Variants in NRAP observed in about 807,000 individuals in gnomAD.
NRAP encodes nebulin related anchoring protein.
Under a neutral mutation model 225.9 loss-of-function variants are expected in NRAP, and 189 were observed. The ratio of observed to expected loss-of-function variants is 0.84; its 90% CI spans 0.74 to 0.94. The LOEUF (loss-of-function observed/expected upper bound fraction) is 0.94, where lower values mean the gene tolerates loss of function less well. NRAP is among the 40% of genes least tolerant of loss of function. The pLI is 0.00. For synonymous variants in NRAP, 769 were observed against 790.7 expected, an observed-to-expected ratio of 0.97 and a Z score of 0.46; for missense variants, 2,176 against 2,168.7, an observed-to-expected ratio of 1.00 and a Z score of -0.07.
At chr10:113,595,788 T>C (rs1846255587) in intron 37 of NRAP, 61 bp from the exon 38 acceptor site, 7 of 1,139,732 alleles carry the variant, frequency 6.1e-6, no homozygotes, top group Non-Finnish European at 9.3e-6. Context: ...CACAGGGGAA[T>C]AGCAACTGAC....
rs151000592 is a variant in NRAP, at chr10:113,650,267, G to C, written c.784-126C>G. 1,388 of 777,660 alleles carry C rather than the reference G, an allele frequency of 1.8e-3. 2 individuals are homozygous for C. The highest frequency in any genetic ancestry group is 0.011 in the Middle Eastern group (33 of 2,946). The allele number at this position is 777,660 out of a possible 1,614,324, so 48.2% of individuals were successfully genotyped here. Reference sequence around the variant, plus strand: ...GGATCTAGGGAGTAGGTATGTCTCAGACATAAAAGTGCCAGGTCATTGTCA... The same window carrying C: ...GGATCTAGGGAGTAGGTATGTCTCACACATAAAAGTGCCAGGTCATTGTCA... On this transcript the variant is annotated intron_variant, in intron 8 of 41. Coordinates refer to ENST00000359988, the MANE Select transcript of NRAP (RefSeq NM_198060.4).
In NRAP at chr10:113,617,512, A is replaced by C; in HGVS notation, c.2916T>G (p.Ser972Arg). The C allele has an allele frequency of 6.2e-7, 1 of 1,612,820 alleles. No individual in the cohort carries two copies. The highest frequency in any genetic ancestry group is 8.5e-7 in the Non-Finnish European group (1 of 1,178,882). Residue 972 changes from serine to arginine, a missense_variant, in exon 26 of 42, where the codon AGT (serine) becomes AGG (arginine). Physicochemically the swap from Ser to Arg is moderately radical, Grantham distance 110. Around this residue, in one of 3 missense-constraint regions of NRAP, gnomAD observed 1,708 missense variants for 1,695.5 expected, o/e 1.01. Transcript: ENST00000359988. ...GGACCATCTCCGGAGTGTCTTTAAT[A>C]CTGGTAAACTTCAAAGCATCTGGAT... ...RQHPDALKFTSIKDTPEMVQA... is the reference protein window; with the variant it reads ...RQHPDALKFTRIKDTPEMVQA...
At chr10:113,603,057 G>A (rs1846703548) in intron 35 of NRAP, among the ~76,000 whole-genome samples, 1 of 152,230 alleles carries the variant, frequency 6.6e-6, no homozygotes, top group South Asian at 2.1e-4. Flanking sequence ...CCCTGACACA[G>A]ATGGCTGGTT....
rs1435715367 is a variant in NRAP at position 113,634,140 on chromosome 10, G to T, written c.1499C>A (p.Ala500Asp). The change falls in exon 15 of 42, where the codon GCC (alanine) becomes GAC (aspartate). Residue 500 changes from alanine (A) to aspartate (D), a missense_variant. Transcript: ENST00000359988. The part of the protein sequence containing the change: ...SVTDTPQIVQ[A>D]KINAQQLSHV... ...ACTCAGCTGCTGGGCATTGATTTTGGCTTGAACAATCTGTGGGGTGTCAGT... is the reference window on the plus strand; with the variant it reads ...ACTCAGCTGCTGGGCATTGATTTTGTCTTGAACAATCTGTGGGGTGTCAGT... 1.2e-6 allele frequency: 2 copies of T among 1,613,688 alleles called. No homozygotes were observed. Among genetic ancestry groups the T allele is most frequent in the Non-Finnish European group, 1.7e-6 (2 of 1,179,636 alleles).
Position 113,623,561 on chromosome 10 carries a change from C to T in NRAP, c.2425G>A (p.Ala809Thr), listed in dbSNP as rs1848120772. The T allele has an allele frequency of 6.2e-7, 1 of 1,613,580 alleles. No individual in the cohort carries two copies. The highest frequency in any genetic ancestry group is 1.3e-5 in the African/African-American group (1 of 74,912). Residue 809 changes from alanine to threonine, a missense_variant, in exon 23 of 42, where the codon GCA becomes ACA. Coordinates refer to ENST00000359988, the MANE Select transcript of NRAP (RefSeq NM_198060.4). ...GCCAGGTCCCTCTTGGCTTTGGCTG[C>T]CAGGAAGGTCAAGGAATCAAGACGC... ...ELRLDSLTFL[A>T]AKAKRDLASE...
At chr10:113,589,403 CG>C in intron 41 of NRAP, 1 of 577,114 alleles carries the variant, frequency 1.7e-6, no homozygotes, top group South Asian at 2.2e-5. Context: ...TGCCCTGGCC[CG>C]GGATTGATGT....
chr10:113,653,664 C>T (rs1051481767), intron 5 of NRAP, among the ~76,000 whole-genome samples: 1 of 152,156 alleles, frequency 6.6e-6, no homozygotes, highest in Non-Finnish European at 1.5e-5. Flanking sequence ...AAACTGTCTT[C>T]CCTATGTGAA....
intron 38 of NRAP, among the ~76,000 whole-genome samples, chr10:113,592,704 T>C (rs35457416): frequency 0.048 from 7,314 of 152,320 alleles, 210 homozygotes; most frequent in Non-Finnish European, 0.076. Context: ...GAAAGTGCTG[T>C]TCCTTGGGCC....
At position 113,629,626 on chromosome 10, in the gene NRAP, T is replaced by A; in HGVS notation, c.2002A>T (p.Thr668Ser). 1 of 1,613,938 alleles carries A rather than the reference T, an allele frequency of 6.2e-7. No homozygotes were observed. The highest frequency in any genetic ancestry group is 1.1e-5 in the South Asian group (1 of 91,078). The change falls in exon 19 of 42, where the codon ACT becomes TCT. Residue 668 changes from threonine to serine, a missense_variant. Physicochemically the swap from Thr to Ser is moderately conservative, Grantham distance 58. This residue lies in a region of NRAP where 1,708 missense variants were observed against 1,695.5 expected (regional missense o/e 1.01). Coordinates refer to ENST00000359988, the MANE Select transcript of NRAP (RefSeq NM_198060.4). ...EYTVLPEDMK[T>S]QWAKKAYGLQ... The stretch of plus-strand genomic sequence containing the variant: ...CCATAGGCCTTCTTGGCCCACTGAG[T>A]CTTCATATCTTCAGGCAGCACAGTG...
chr10:113,645,665 C>T (rs146747527), intron 11 of NRAP, among the ~76,000 whole-genome samples, 160 bp downstream of exon 11: 196 of 152,300 alleles, frequency 1.3e-3, no homozygotes, highest in African/African-American at 4.5e-3. Flanking sequence ...GATCTGCCTG[C>T]CTCGGCCTCC....
At chr10:113,645,486 C>T (rs989591293) in intron 11 of NRAP, among the ~76,000 whole-genome samples, 2 of 152,170 alleles carry the variant, frequency 1.3e-5, no homozygotes, top group African/African-American at 2.4e-5. Context: ...AGCACTATCT[C>T]GGCTCACCGC....
intron 7 of NRAP, 139 bp downstream of exon 7, chr10:113,651,664 C>T: frequency 1.7e-6 from 1 of 602,182 alleles, no homozygotes; most frequent in Middle Eastern, 4.2e-4. Flanking sequence ...CTGCAAAGGA[C>T]ATGATCTTGT....
At chr10:113,615,029 G>A in intron 27 of NRAP, 83 bp from the exon 28 acceptor site, 1 of 850,188 alleles carries the variant, frequency 1.2e-6, no homozygotes, top group Non-Finnish European at 2.0e-6. Flanking sequence ...TGGCAATCTG[G>A]TTTGTGGTGG....
intron 5 of NRAP, 105 bp from the exon 6 acceptor site, chr10:113,653,144 A>C (rs1365851386): frequency 3.1e-6 from 2 of 637,720 alleles, no homozygotes; most frequent in African/African-American, 4.0e-5. Context: ...AGTTCTTCGG[A>C]AATATTTCAA....
rs1233948664 is a variant in NRAP at position 113,598,023 on chromosome 10, C to T, written c.4278G>A (p.Ala1426=). The T allele has an allele frequency of 1.1e-5, 17 of 1,613,610 alleles. No individual in the cohort carries two copies. In the East Asian group the frequency reaches 1.1e-4, roughly 11 times the overall value. ...CACTCTCCATCTGTGGGGATCTCAG[C>T]GCCAGCCATCCTATGCCCTTCATGC... is the stretch of plus-strand genomic sequence containing the variant. ...LIGMKGIGWL[A]LRSPQMESAK... Residue 1426 remains alanine (A), a synonymous_variant, in exon 36 of 42, where the codon GCG becomes GCA. Transcript: ENST00000359988.
intron 10 of NRAP, among the ~76,000 whole-genome samples, chr10:113,646,449 C>T (rs1458088968): frequency 6.6e-6 from 1 of 152,198 alleles, no homozygotes; most frequent in Non-Finnish European, 1.5e-5. Context: ...AGACCAAGTT[C>T]CAGTTGGCAT....
At chr10:113,621,317 A>ACACACG (rs1847973312) in intron 24 of NRAP, among the ~76,000 whole-genome samples, 1 of 31,134 alleles carries the variant, frequency 3.2e-5, no homozygotes, top group Admixed American at 6.4e-4. Flanking sequence ...GTGTGTCTAC[A>ACACACG]CACACACACA....
Position 113,629,622 on chromosome 10 carries a change from T to C in NRAP, c.2006A>G (p.Gln669Arg). 1 of 1,613,938 alleles carries C rather than the reference T, an allele frequency of 6.2e-7. No individual in the cohort carries two copies. Among genetic ancestry groups the C allele is most frequent in the Non-Finnish European group, 8.5e-7 (1 of 1,179,794 alleles). ...GAGCCCATAGGCCTTCTTGGCCCAC[T>C]GAGTCTTCATATCTTCAGGCAGCAC... is the stretch of plus-strand genomic sequence containing the variant. ...YTVLPEDMKT[Q>R]WAKKAYGLQS... Residue 669 changes from glutamine to arginine, a missense_variant, in exon 19 of 42, where the codon CAG (glutamine) becomes CGG (arginine). Coordinates refer to ENST00000359988, the MANE Select transcript of NRAP (RefSeq NM_198060.4).
In NRAP at chr10:113,589,013, T is replaced by G. The variant is rs774153837; in HGVS notation, c.5155A>C (p.Ile1719Leu). ...GCCTTCTTCTTTTTGACGTGCAGAA[T>G]CTCAGTGGCATCTGGGTTCACCTCC... ...SGEVNPDATE[I>L]LHVKKKKALL... Residue 1719 changes from isoleucine (I) to leucine (L), a missense_variant, in exon 42 of 42, where the codon ATT (isoleucine) becomes CTT (leucine). Physicochemically the swap from Ile to Leu is conservative, Grantham distance 5. Around this residue, in one of 3 missense-constraint regions of NRAP, gnomAD observed 445 missense variants for 426.1 expected, o/e 1.04. Transcript: ENST00000359988. 1.1e-5 allele frequency: 18 copies of G among 1,614,020 alleles called. No individual in the cohort carries two copies. Among genetic ancestry groups the G allele is most frequent in the Non-Finnish European group, 1.5e-5 (18 of 1,179,994 alleles).
Sources: gnomAD v4.1 joint callset for allele counts (sites outside exome capture counted in the v4.1 genomes callset) on GRCh38, gnomAD v4.1.1 for gene constraint, gnomAD v4.1.1 regional missense constraint, MANE v1.5 for transcripts, NCBI Gene and HGNC (gene_info 2026-07-23, HGNC 2026-07-21) for gene names.